Variants in DPP10 observed in about 807,000 individuals in gnomAD.
DPP10 encodes inactive dipeptidyl peptidase 10.
Under a neutral mutation model 120.9 loss-of-function variants are expected in DPP10, and 33 were observed. The observed-to-expected ratio is 0.27, with a 90% confidence interval of 0.21 to 0.37. DPP10 has a LOEUF of 0.37. DPP10 is among the 10% of genes least tolerant of loss of function. DPP10 has a pLI of 1.00. For synonymous variants in DPP10, 337 were observed against 326.1 expected, an observed-to-expected ratio of 1.03 and a Z score of -0.36; for missense variants, 816 against 942.8, an observed-to-expected ratio of 0.87 and a Z score of 1.76.
chr2:115,146,048 C>T (rs7569687), intron 1 of DPP10, among the ~76,000 whole-genome samples: 11,865 of 152,022 alleles, frequency 0.078, 842 homozygotes, highest in East Asian at 0.3. Context: ...GTCAGATACA[C>T]CATTATTATG....
chr2:115,021,603 A>G (rs1172293453), intron 1 of DPP10, among the ~76,000 whole-genome samples: 1 of 152,114 alleles, frequency 6.6e-6, no homozygotes, highest in Non-Finnish European at 1.5e-5. Flanking sequence ...ATTGGTACCA[A>G]TGCTATGACA....
At chr2:115,356,351 C>T (rs1418163625) in intron 3 of DPP10, among the ~76,000 whole-genome samples, 1 of 151,944 alleles carries the variant, frequency 6.6e-6, no homozygotes, top group East Asian at 1.9e-4. Context: ...ATTTTGCCCT[C>T]TGCTTGTCTA....
intron 1 of DPP10, among the ~76,000 whole-genome samples, chr2:115,199,066 A>G (rs2055497526): frequency 6.6e-6 from 1 of 152,158 alleles, no homozygotes; most frequent in Non-Finnish European, 1.5e-5. Flanking sequence ...AGTAGTAGTA[A>G]TAATAATAGC....
intron 1 of DPP10, among the ~76,000 whole-genome samples, chr2:114,982,397 A>G (rs940898674): frequency 6.6e-6 from 1 of 152,130 alleles, no homozygotes; most frequent in African/African-American, 2.4e-5. Context: ...ATCTATAAAG[A>G]TAAAAAAAAC....
intron 1 of DPP10, among the ~76,000 whole-genome samples, chr2:114,922,765 T>G (rs1387912063): frequency 6.6e-6 from 1 of 152,248 alleles, no homozygotes; most frequent in Non-Finnish European, 1.5e-5. Flanking sequence ...TTTTATGGAT[T>G]TATCACGTTT....
chr2:114,808,327 T>C (rs1684906792), intron 1 of DPP10, among the ~76,000 whole-genome samples: 1 of 152,226 alleles, frequency 6.6e-6, no homozygotes, highest in African/African-American at 2.4e-5. Flanking sequence ...AATACTTCTG[T>C]AAACATTCTT....
intron 1 of DPP10, among the ~76,000 whole-genome samples, chr2:114,557,335 C>G (rs998840483): frequency 6.6e-6 from 1 of 152,110 alleles, no homozygotes; most frequent in Non-Finnish European, 1.5e-5. Context: ...CCCAGATGAT[C>G]CATCTGTCTC....
chr2:115,537,973 A>T (rs2078959580), intron 5 of DPP10, among the ~76,000 whole-genome samples: 1 of 151,988 alleles, frequency 6.6e-6, no homozygotes. Context: ...CCATGTCGTC[A>T]TGAGAGGGCT....
intron 1 of DPP10, among the ~76,000 whole-genome samples, chr2:114,639,960 TG>T (rs1185073122): frequency 6.6e-6 from 1 of 151,948 alleles, no homozygotes. Flanking sequence ...AGATTTTCTT[TG>T]ATTTTTTTTG....
At chr2:115,405,787 C>T (rs1312538182) in intron 3 of DPP10, among the ~76,000 whole-genome samples, 4 of 152,194 alleles carry the variant, frequency 2.6e-5, no homozygotes, top group Non-Finnish European at 4.4e-5. Flanking sequence ...ATGGCTGGAA[C>T]AGCCAGAGCA....
intron 4 of DPP10, among the ~76,000 whole-genome samples, chr2:115,513,328 G>C (rs909966378): frequency 2.6e-5 from 4 of 151,654 alleles, no homozygotes; most frequent in Non-Finnish European, 4.4e-5. Flanking sequence ...AATTTATCCT[G>C]TCAACCTACA....
intron 3 of DPP10, among the ~76,000 whole-genome samples, chr2:115,494,842 T>G (rs1211094464): frequency 6.6e-6 from 1 of 152,176 alleles, no homozygotes; most frequent in Non-Finnish European, 1.5e-5. Context: ...CAGAGTTTTT[T>G]CTACTTTTTG....
Position 115,631,293 on chromosome 2 carries a change from T to A in DPP10, c.442-58394T>A, listed in dbSNP as rs1220900507. ...ATCCCCTTTATCATTTTTTATTGTG[T>A]CTATATGATTCTTTTTTCTTCTTTA... On this transcript the variant is annotated intron_variant, in intron 5 of 25. Coordinates refer to ENST00000410059, the MANE Select transcript of DPP10 (RefSeq NM_020868.6). 3.9e-5 allele frequency among the ~76,000 whole-genome samples: 6 copies of A among 152,190 alleles called. No homozygotes were observed. The Middle Eastern group carries it at 0.014, about 345-fold the overall frequency.
At chr2:114,979,696 A>C (rs1166408545) in intron 1 of DPP10, among the ~76,000 whole-genome samples, 1 of 152,110 alleles carries the variant, frequency 6.6e-6, no homozygotes, top group African/African-American at 2.4e-5. Flanking sequence ...ACATTTTTGT[A>C]GCATTCATGG....
intron 5 of DPP10, among the ~76,000 whole-genome samples, chr2:115,598,705 T>C (rs1304936043): frequency 1.3e-5 from 2 of 151,812 alleles, no homozygotes. Context: ...AAAATAGGGC[T>C]TTTTTATATT....
chr2:115,039,112 C>T (rs1704446290), intron 1 of DPP10, among the ~76,000 whole-genome samples: 1 of 152,082 alleles, frequency 6.6e-6, no homozygotes, highest in South Asian at 2.1e-4. Context: ...GAGCAGAATG[C>T]ACAACGGCAG....
chr2:114,940,044 C>T (rs960255546), intron 1 of DPP10, among the ~76,000 whole-genome samples: 1 of 152,098 alleles, frequency 6.6e-6, no homozygotes, highest in Non-Finnish European at 1.5e-5. Flanking sequence ...GCAGTGTGTG[C>T]TTATCTACCT....
chr2:115,106,523 G>C (rs1258536217), intron 1 of DPP10, among the ~76,000 whole-genome samples: 1 of 152,166 alleles, frequency 6.6e-6, no homozygotes, highest in East Asian at 1.9e-4. Context: ...GCAGTGGTGT[G>C]AACATGGCTG....
chr2:115,617,257 G>T (rs951474151), intron 5 of DPP10, among the ~76,000 whole-genome samples: 1 of 55,186 alleles, frequency 1.8e-5, no homozygotes, highest in Non-Finnish European at 3.4e-5. Context: ...GTATGTATGG[G>T]TATATATATA....
Sources: gnomAD v4.1 joint callset for allele counts (sites outside exome capture counted in the v4.1 genomes callset) on GRCh38, gnomAD v4.1.1 for gene constraint, MANE v1.5 for transcripts, NCBI Gene and HGNC (gene_info 2026-07-23, HGNC 2026-07-21) for gene names.